Variants in PMS1 observed in about 807,000 individuals in gnomAD.
PMS1 encodes PMS1 protein homolog 1.
In PMS1, 79 loss-of-function variants were observed where a neutral mutation model predicts 93.1. The ratio of observed to expected loss-of-function variants is 0.85; its 90% CI spans 0.71 to 1.02. PMS1 has a LOEUF of 1.02. PMS1 is among the 50% of genes least tolerant of loss of function. PMS1 has a pLI of 0.00. For missense variants in PMS1, 1,064 were observed against 1,085.3 expected (o/e 0.98, Z 0.28); for synonymous variants, 335 against 363.4 (o/e 0.92, Z 0.89).
intron 11 of PMS1, among the ~76,000 whole-genome samples, 186 bp from the exon 12 acceptor site, chr2:189,873,310 C>T (rs1161844533): frequency 2.0e-5 from 3 of 152,166 alleles, no homozygotes; most frequent in Non-Finnish European, 4.4e-5. Flanking sequence ...TCAGTGAGCA[C>T]TTATGACTTA....
At chr2:189,859,986 A>AT (rs2055778384) in intron 9 of PMS1, among the ~76,000 whole-genome samples, 1 of 152,212 alleles carries the variant, frequency 6.6e-6, no homozygotes. Flanking sequence ...GCAGATATAT[A>AT]AGGAATGCTT....
chr2:189,790,430 A>G (rs2048754264), intron 1 of PMS1, among the ~76,000 whole-genome samples: 1 of 152,194 alleles, frequency 6.6e-6, no homozygotes, highest in African/African-American at 2.4e-5. Context: ...TTTTTAGAAC[A>G]TGCATGTCTT....
rs113193813 is a variant in PMS1, at chr2:189,791,924, A to G, written c.115A>G (p.Ser39Gly). The change falls in exon 2 of 13, where the codon AGC becomes GGC. Residue 39 changes from serine (S) to glycine (G), a missense_variant. Transcript: ENST00000441310. The stretch of plus-strand genomic sequence containing the variant: ...AAACTCCTTGGATGCTGGTGCCACA[A>G]GCGTAGATGTTAAACTGGTGAGTGT... ...IENSLDAGAT[S>G]VDVKLENYGF... 6.2e-7 allele frequency: 1 copy of G among 1,613,908 alleles called. No individual in the cohort carries two copies. The highest frequency in any genetic ancestry group is 1.3e-5 in the African/African-American group (1 of 74,952).
chr2:189,855,125 T>A lies in PMS1; in HGVS notation c.1853T>A (p.Leu618Gln). The change falls in exon 9 of 13, where the codon CTG (leucine) becomes CAG (glutamine). Residue 618 changes from leucine to glutamine, a missense_variant. Coordinates refer to ENST00000441310, the MANE Select transcript of PMS1 (RefSeq NM_000534.5). ...LWKTLSEEEK[L>Q]KYEEKATKDL... ...AAGACATTGAGTGAAGAGGAAAAAC[T>A]GAAGTAAGTTTCCAGAGCTTGCATG... The A allele has an allele frequency of 6.2e-7, 1 of 1,612,252 alleles. No homozygotes were observed. Among genetic ancestry groups the A allele is most frequent in the Non-Finnish European group, 8.5e-7 (1 of 1,178,768 alleles).
At chr2:189,850,459 G>A (rs2054598884) in intron 6 of PMS1, among the ~76,000 whole-genome samples, 1 of 152,152 alleles carries the variant, frequency 6.6e-6, no homozygotes, top group Non-Finnish European at 1.5e-5. Context: ...GTGAGATTGA[G>A]AATATTTTTG....
At chr2:189,848,065 A>G (rs2054397622) in intron 6 of PMS1, among the ~76,000 whole-genome samples, 1 of 152,084 alleles carries the variant, frequency 6.6e-6, no homozygotes, top group South Asian at 2.1e-4. Context: ...GTTGTTTTCT[A>G]GTTTTGACAC....
At chr2:189,787,603 A>AT (rs11413317) in intron 1 of PMS1, among the ~76,000 whole-genome samples, 130,645 of 149,180 alleles carry the variant, frequency 0.88, 57,586 homozygotes, top group East Asian at 0.93. Flanking sequence ...TCACTTTTTT[A>AT]TTTTTTTTTT....
chr2:189,825,185 G>A (rs962127252), intron 5 of PMS1, among the ~76,000 whole-genome samples: 1 of 152,128 alleles, frequency 6.6e-6, no homozygotes, highest in Non-Finnish European at 1.5e-5. Context: ...GTTCTTGCCA[G>A]TATGGTTATG....
rs1193910610 is a variant in PMS1 at position 189,877,368 on chromosome 2, GAAATT to G, written c.2735_2739del (p.Ile912ArgfsTer25). The G allele has an allele frequency of 6.2e-7, 1 of 1,613,436 alleles. No homozygotes were observed. Among genetic ancestry groups the G allele is most frequent in the African/African-American group, 1.3e-5 (1 of 75,046 alleles). ...CAGAATGAAGCACCAGTTTGGAAATGAAATTAAAGAGTGTGTTCATGGTCGCCCAT... is the reference window on the plus strand; with the variant it reads ...CAGAATGAAGCACCAGTTTGGAAATGAAAGAGTGTGTTCATGGTCGCCCAT... On this transcript the variant is annotated frameshift_variant, in exon 13 of 13. Coordinates refer to ENST00000441310, the MANE Select transcript of PMS1 (RefSeq NM_000534.5). LOFTEE classifies it high-confidence loss of function.
At chr2:189,858,957 G>A (rs763822302) in intron 9 of PMS1, among the ~76,000 whole-genome samples, 12 of 152,020 alleles carry the variant, frequency 7.9e-5, no homozygotes, top group Non-Finnish European at 1.6e-4. Flanking sequence ...ACTTTTAACA[G>A]CACTGTTCTC....
chr2:189,808,672 A>C (rs1472393987), intron 4 of PMS1, among the ~76,000 whole-genome samples: 1 of 152,178 alleles, frequency 6.6e-6, no homozygotes, highest in African/African-American at 2.4e-5. Flanking sequence ...GTTTACTAGA[A>C]ATTCCAGCTC....
rs185071420 is a variant in PMS1, at chr2:189,855,198, A to G, written c.1856+70A>G. 364 of 1,344,576 alleles carry G rather than the reference A, an allele frequency of 2.7e-4. 1 individual carries two copies. In the African/African-American group the frequency reaches 4.5e-3, roughly 17 times the overall value. 83.3% of individuals were successfully genotyped at this position (1,344,576 alleles called of 1,614,324 possible). A position where few individuals can be genotyped will look rare whatever the true frequency, so the allele number is the denominator to read the frequency against. On this transcript the variant is annotated intron_variant, in intron 9 of 12. Transcript: ENST00000441310. ...CCATTCTATATGACTCACTGTTTAA[A>G]AAGAATTTTTTTCACTTCTTATTTA... is the stretch of plus-strand genomic sequence containing the variant.
intron 4 of PMS1, among the ~76,000 whole-genome samples, chr2:189,809,455 T>TC (rs2050638650): frequency 7.9e-6 from 1 of 127,324 alleles, no homozygotes; most frequent in Non-Finnish European, 1.5e-5. Context: ...TTCTTTTTTT[T>TC]TTTTTTTTTT....
At chr2:189,857,443 AG>A (rs1178542955) in intron 9 of PMS1, 11 of 468,346 alleles carry the variant, frequency 2.3e-5, no homozygotes, top group Non-Finnish European at 4.9e-5. Context: ...GAATCGTACT[AG>A]CTACCATTTC....
At chr2:189,791,654 A>T in intron 1 of PMS1, 136 bp from the exon 2 acceptor site, 1 of 640,900 alleles carries the variant, frequency 1.6e-6, no homozygotes, top group Non-Finnish European at 2.8e-6. Context: ...TTAATATTGT[A>T]TGTGCTAACA....
At chr2:189,843,348 G>A (rs2053977465) in intron 5 of PMS1, among the ~76,000 whole-genome samples, 2 of 152,144 alleles carry the variant, frequency 1.3e-5, no homozygotes, top group East Asian at 1.9e-4. Flanking sequence ...CAACATACTC[G>A]CAGTGAAAAA....
chr2:189,833,455 G>A (rs183060990), intron 5 of PMS1, among the ~76,000 whole-genome samples: 1 of 152,044 alleles, frequency 6.6e-6, no homozygotes, highest in African/African-American at 2.4e-5. Context: ...GGTGGCACGC[G>A]CCTGTAGTCC....
intron 3 of PMS1, 103 bp from the exon 4 acceptor site, chr2:189,805,549 G>T: frequency 3.3e-6 from 3 of 922,782 alleles, no homozygotes; most frequent in Non-Finnish European, 5.3e-6. Flanking sequence ...GGTAAAATAC[G>T]CTATTGAGTA....
At chr2:189,816,833 G>A (rs1047565103) in intron 4 of PMS1, among the ~76,000 whole-genome samples, 1 of 151,982 alleles carries the variant, frequency 6.6e-6, no homozygotes, top group African/African-American at 2.4e-5. Flanking sequence ...CTGATTCACG[G>A]TAATAAATAT....
Sources: gnomAD v4.1 joint callset for allele counts (sites outside exome capture counted in the v4.1 genomes callset) on GRCh38, gnomAD v4.1.1 for gene constraint, MANE v1.5 for transcripts, NCBI Gene and HGNC (gene_info 2026-07-23, HGNC 2026-07-21) for gene names.